CPLANE1: variants seen among roughly 807,000 people sequenced by gnomAD.
CPLANE1 encodes the protein ciliogenesis and planar polarity effector complex subunit 1.
Under a neutral mutation model 362.5 loss-of-function variants are expected in CPLANE1, and 263 were observed. That is an observed-to-expected ratio of 0.73 (90% CI 0.66 to 0.80). The LOEUF is 0.80. Among genes scored for constraint, CPLANE1 ranks in the 30% least tolerant of loss-of-function variants. CPLANE1 has a pLI of 0.00. For missense variants in CPLANE1, 3,461 were observed against 3,793.4 expected, an observed-to-expected ratio of 0.91 and a Z score of 2.30; for synonymous variants, 1,212 against 1,302.6, an observed-to-expected ratio of 0.93 and a Z score of 1.50.
Position 37,155,073 on chromosome 5 carries a change from T to C in CPLANE1, c.8120-1080A>G, listed in dbSNP as rs571980549. ...CTTAATACCACTACTTGGCTGAAGC[T>C]TTCACAATAAATAGACCCCAAATGA... is the stretch of plus-strand genomic sequence containing the variant. On this transcript the variant is annotated intron_variant, in intron 41 of 52. Coordinates refer to ENST00000651892, the MANE Select transcript of CPLANE1 (RefSeq NM_001384732.1). Among the ~76,000 whole-genome samples, 37 of 152,328 alleles carry C rather than the reference T, an allele frequency of 2.4e-4. 1 individual carries two copies. The highest frequency in any genetic ancestry group is 8.2e-4 in the African/African-American group (34 of 41,580).
intron 34 of CPLANE1, among the ~76,000 whole-genome samples, chr5:37,167,669 T>C (rs879689492): frequency 1.3e-5 from 2 of 152,200 alleles, no homozygotes; most frequent in Non-Finnish European, 2.9e-5. Context: ...TCCCAGCTAC[T>C]TGGGAGGCTG....
In CPLANE1 at chr5:37,186,341, A is replaced by G. The variant is rs79935028; in HGVS notation, c.4134T>C (p.Pro1378=). 1,720 of 1,607,824 alleles carry G rather than the reference A, an allele frequency of 1.1e-3. 17 individuals are homozygous for G. The African/African-American group carries it at 0.02, about 19-fold the overall frequency. The change falls in exon 24 of 53, where the codon CCT becomes CCC. Residue 1378 remains proline, a synonymous_variant. Transcript: ENST00000651892. Reference sequence around the variant, plus strand: ...GAAGAGAGTGATATTTGTCTCTTAAAGGAACCCTCACGTCCTCAGGATAGG... The same window carrying G: ...GAAGAGAGTGATATTTGTCTCTTAAGGGAACCCTCACGTCCTCAGGATAGG... ...AFPYPEDVRV[P]LRDKYHSLHQ... is the part of the protein sequence containing the mutation.
chr5:37,108,430 G>GT lies in CPLANE1; in HGVS notation c.9441dup (p.His3148ThrfsTer18), dbSNP rs1579740974. 5 of 1,614,082 alleles carry GT rather than the reference G, an allele frequency of 3.1e-6. No homozygotes were observed. The highest frequency in any genetic ancestry group is 3.4e-6 in the Non-Finnish European group (4 of 1,180,004). ...TGAGGTGCAAGCCCAGCACTTCCAT[G>GT]TTTTTTTGTATGCTGCAGACTATGA... On this transcript the variant is annotated frameshift_variant, in exon 52 of 53. Coordinates refer to ENST00000651892, the MANE Select transcript of CPLANE1 (RefSeq NM_001384732.1). LOFTEE classifies it high-confidence loss of function.
chr5:37,126,244 C>CA (rs1017691517), intron 46 of CPLANE1, among the ~76,000 whole-genome samples: 1 of 151,830 alleles, frequency 6.6e-6, no homozygotes, highest in African/African-American at 2.4e-5. Flanking sequence ...CTCAAAAAAA[C>CA]AAAAAAATTG....
chr5:37,211,544 CG>C, intron 16 of CPLANE1: 5 of 1,233,532 alleles, frequency 4.1e-6, no homozygotes, highest in Non-Finnish European at 5.9e-6. Context: ...CAAGGCTATG[CG>C]GGGGCACTTC....
chr5:37,236,613 C>T (rs991019475), intron 8 of CPLANE1, among the ~76,000 whole-genome samples: 2 of 150,688 alleles, frequency 1.3e-5, no homozygotes, highest in Non-Finnish European at 2.9e-5. Context: ...GCAAAAGACA[C>T]AATTGAAGTA....
At chr5:37,207,932 T>G (rs953745338) in intron 16 of CPLANE1, among the ~76,000 whole-genome samples, 15 of 152,078 alleles carry the variant, frequency 9.9e-5, no homozygotes, top group African/African-American at 3.4e-4. Flanking sequence ...CTTTGGTTTT[T>G]TTGTTGTTGT....
rs755414101 is a variant in CPLANE1, at chr5:37,245,829, A to G, written c.98T>C (p.Phe33Ser). Residue 33 changes from phenylalanine to serine, a missense_variant, in exon 3 of 53, where the codon TTT (phenylalanine) becomes TCT (serine). Physicochemically the swap from Phe to Ser is radical, Grantham distance 155. Transcript: ENST00000651892. Reference sequence around the variant, plus strand: ...ATTTATGAATTTATCATCCAAAAGAAAAACGGCTTCTTTTTCCTAAGAGAA... The same window carrying G: ...ATTTATGAATTTATCATCCAAAAGAGAAACGGCTTCTTTTTCCTAAGAGAA... The part of the protein sequence containing the change: ...SWLGKEKEAV[F>S]LLDDKFINEI... 5.9e-6 allele frequency: 9 copies of G among 1,516,174 alleles called. No individual in the cohort carries two copies. Among genetic ancestry groups the G allele is most frequent in the Non-Finnish European group, 7.9e-6 (9 of 1,135,216 alleles). The allele number at this position is 1,516,174 out of a possible 1,614,324, so 93.9% of individuals were successfully genotyped here.
chr5:37,139,610 GA>G, intron 44 of CPLANE1: 1 of 726,386 alleles, frequency 1.4e-6, no homozygotes, highest in Non-Finnish European at 1.8e-6. Context: ...TAAGTGCAGC[GA>G]CATGGTCATG....
Position 37,201,787 on chromosome 5 carries a change from G to A in CPLANE1, c.3311C>T (p.Ala1104Val). The change falls in exon 19 of 53, where the codon GCA becomes GTA. Residue 1104 changes from alanine (A) to valine (V), a missense_variant. Ala to Val is a moderately conservative substitution (Grantham distance 64). Around this residue, in one of 2 missense-constraint regions of CPLANE1, gnomAD observed 3,380 missense variants for 3,666.1 expected, o/e 0.92. Coordinates refer to ENST00000651892, the MANE Select transcript of CPLANE1 (RefSeq NM_001384732.1). ...TTGTACTGAACCAAATAGCAGATTTGCATCTTCCTCTTCAATGGGATCTAT... is the reference window on the plus strand; with the variant it reads ...TTGTACTGAACCAAATAGCAGATTTACATCTTCCTCTTCAATGGGATCTAT... ...QFTDPIEEED[A>V]NLLFGSVQEV... is the part of the protein sequence containing the mutation. The A allele has an allele frequency of 6.2e-7, 1 of 1,612,054 alleles. No individual in the cohort carries two copies. The highest frequency in any genetic ancestry group is 2.2e-5 in the East Asian group (1 of 44,832).
intron 46 of CPLANE1, among the ~76,000 whole-genome samples, chr5:37,131,342 C>G (rs916941829): frequency 3.3e-5 from 5 of 152,030 alleles, no homozygotes; most frequent in African/African-American, 1.2e-4. Flanking sequence ...GCTAGTCTCA[C>G]TCTCCCCTTC....
the CPLANE1 span, among the ~76,000 whole-genome samples, chr5:37,080,137 C>A: frequency 6.6e-6 from 1 of 152,194 alleles, no homozygotes; most frequent in Non-Finnish European, 1.5e-5. Context: ...GACTAGCTTA[C>A]CTGCCTTAAC....
rs534157444 is a variant in CPLANE1, at chr5:37,176,110, T to A, written c.5901-124A>T. 11 of 637,308 alleles carry A rather than the reference T, an allele frequency of 1.7e-5. No homozygotes were observed. The African/African-American group carries it at 1.8e-4, about 11-fold the overall frequency. 39.5% of individuals were successfully genotyped at this position (637,308 alleles called of 1,614,324 possible). A position where few individuals can be genotyped will look rare whatever the true frequency, so the allele number is the denominator to read the frequency against. On this transcript the variant is annotated intron_variant, in intron 30 of 52. Coordinates refer to ENST00000651892, the MANE Select transcript of CPLANE1 (RefSeq NM_001384732.1). ...CCTCTAATCTTCTATAATGTTTAGC[T>A]CATAATTACAATCTGTTTACATTTG...
chr5:37,084,825 G>A, the CPLANE1 span, among the ~76,000 whole-genome samples: 1 of 151,336 alleles, frequency 6.6e-6, no homozygotes, highest in Non-Finnish European at 1.5e-5. Flanking sequence ...GGCAGAATGG[G>A]TAAGAATTCA....
At position 37,245,965 on chromosome 5, in the gene CPLANE1, A is replaced by G. The variant is rs1438043157; in HGVS notation, c.82-120T>C. 24 of 989,536 alleles carry G rather than the reference A, an allele frequency of 2.4e-5. 1 individual carries two copies. In the South Asian group the frequency reaches 3.7e-4, roughly 15 times the overall value. The allele number at this position is 989,536 out of a possible 1,614,324, so 61.3% of individuals were successfully genotyped here. A position where few individuals can be genotyped will look rare whatever the true frequency, so the allele number is the denominator to read the frequency against. ...AAGAAAGATTATCCATTTGTACCAC[A>G]AATCATAAAATGAACATTAAGCTTA... On this transcript the variant is annotated intron_variant, in intron 2 of 52. Transcript: ENST00000651892.
At chr5:37,142,279 T>C in intron 44 of CPLANE1, 31 bp downstream of exon 44, 1 of 1,486,488 alleles carries the variant, frequency 6.7e-7, no homozygotes, top group Non-Finnish European at 8.9e-7. Context: ...AGAATAAGAG[T>C]ATGTGTAAAT....
the CPLANE1 span, among the ~76,000 whole-genome samples, chr5:37,090,702 G>A: frequency 6.6e-6 from 1 of 152,124 alleles, no homozygotes; most frequent in Admixed American, 6.6e-5. Context: ...TCAATCACTC[G>A]ATCTGGGTTT....
rs1320557900 is a variant in CPLANE1, at chr5:37,198,756, A to G, written c.3618T>C (p.Pro1206=). ...ACTGCAATATATACCACTGTGCTAC[A>G]GGAAAAGAACACTGAGCCGCCCGGA... ...LLFRAAQCSF[P]VAQWYILQLR... is the part of the protein sequence containing the mutation. Residue 1206 remains proline, a synonymous_variant, in exon 20 of 53, where the codon CCT becomes CCC. Coordinates refer to ENST00000651892, the MANE Select transcript of CPLANE1 (RefSeq NM_001384732.1). The G allele has an allele frequency of 6.2e-7, 1 of 1,614,084 alleles. No homozygotes were observed. The highest frequency in any genetic ancestry group is 8.5e-7 in the Non-Finnish European group (1 of 1,180,042).
chr5:37,122,482 T>C lies in CPLANE1; in HGVS notation c.8965A>G (p.Met2989Val), dbSNP rs775563318. Residue 2989 changes from methionine to valine, a missense_variant, in exon 48 of 53, where the codon ATG becomes GTG. By Grantham distance (21) the Met-to-Val change is conservative. This residue lies in a region of CPLANE1 where 3,380 missense variants were observed against 3,666.1 expected (regional missense o/e 0.92). Coordinates refer to ENST00000651892, the MANE Select transcript of CPLANE1 (RefSeq NM_001384732.1). ...PFCPRSNPLY[M>V]TSREIRLRQK... is the part of the protein sequence containing the mutation. Reference sequence around the variant, plus strand: ...CTCAGCCTTATTTCCCTTGAAGTCATGTAAAGCTGCATAAAAAATACCCAG... The same window carrying C: ...CTCAGCCTTATTTCCCTTGAAGTCACGTAAAGCTGCATAAAAAATACCCAG... The C allele has an allele frequency of 5.6e-6, 9 of 1,610,292 alleles. No homozygotes were observed. The highest frequency in any genetic ancestry group is 4.4e-5 in the South Asian group (4 of 89,930).
Sources: allele counts gnomAD v4.1 joint callset (sites outside exome capture counted in the v4.1 genomes callset), GRCh38; gene constraint gnomAD v4.1.1; regional missense constraint gnomAD v4.1.1; transcripts MANE v1.5; gene names NCBI Gene and HGNC (gene_info 2026-07-23, HGNC 2026-07-21).